CADPS2: variants seen among roughly 807,000 people sequenced by gnomAD.
CADPS2 encodes calcium dependent secretion activator 2.
CADPS2 carries 93 observed loss-of-function variants against 172.5 expected under a neutral mutation model. That is an observed-to-expected ratio of 0.54 (90% CI 0.46 to 0.64). The LOEUF (loss-of-function observed/expected upper bound fraction) is 0.64, where lower values mean the gene tolerates loss of function less well. Ranked by LOEUF, CADPS2 falls within the 30% of genes least tolerant of loss-of-function variation. The probability of loss-of-function intolerance (pLI) is 0.00; values close to 1 mark genes in which losing one functional copy is unlikely to be tolerated. For missense variants in CADPS2, 1,420 were observed against 1,565.9 expected, an observed-to-expected ratio of 0.91 and a Z score of 1.57; for synonymous variants, 546 against 555.2, an observed-to-expected ratio of 0.98 and a Z score of 0.23.
intron 1 of CADPS2, among the ~76,000 whole-genome samples, chr7:122,832,211 T>G (rs1283695557): frequency 6.6e-6 from 1 of 151,828 alleles, no homozygotes. Context: ...TTACTTTCTT[T>G]AAAGTATTTT....
At chr7:122,543,221 A>T (rs1267516075) in intron 8 of CADPS2, among the ~76,000 whole-genome samples, 1 of 152,134 alleles carries the variant, frequency 6.6e-6, no homozygotes, top group Admixed American at 6.5e-5. Flanking sequence ...CTAACAGTAC[A>T]CTACACTTTT....
intron 14 of CADPS2, among the ~76,000 whole-genome samples, chr7:122,463,885 G>C (rs1046364993): frequency 6.6e-6 from 1 of 152,190 alleles, no homozygotes; most frequent in African/African-American, 2.4e-5. Flanking sequence ...AGATAAGGAA[G>C]AAAAGCATGC....
rs995482109 is a variant in CADPS2 at position 122,829,510 on chromosome 7, C to G, written c.339+56489G>C. On this transcript the variant is annotated intron_variant, in intron 1 of 29. Transcript: ENST00000449022. ...TTGTGTGCAAAAGCCACACTCAAAT[C>G]AACTTTTATTTATCCTATGGAAAAA... Among the ~76,000 whole-genome samples, 4 of 152,158 alleles carry G rather than the reference C, an allele frequency of 2.6e-5. No individual in the cohort carries two copies. The East Asian group carries it at 7.7e-4, about 29-fold the overall frequency.
intron 17 of CADPS2, among the ~76,000 whole-genome samples, chr7:122,424,903 CTGT>C (rs2048958982): frequency 6.6e-6 from 1 of 152,156 alleles, no homozygotes; most frequent in Non-Finnish European, 1.5e-5. Context: ...CTGGATATAA[CTGT>C]GTTATAGGAT....
At chr7:122,623,141 C>A (rs1021421102) in intron 4 of CADPS2, among the ~76,000 whole-genome samples, 1 of 151,400 alleles carries the variant, frequency 6.6e-6, no homozygotes, top group Admixed American at 6.6e-5. Context: ...TTTAAAATTT[C>A]TCTACAGTTT....
At chr7:122,826,541 A>T (rs543269001) in intron 1 of CADPS2, among the ~76,000 whole-genome samples, 1 of 152,292 alleles carries the variant, frequency 6.6e-6, no homozygotes, top group East Asian at 1.9e-4. Flanking sequence ...ATAAACAATC[A>T]TAAATATGCT....
At chr7:122,400,273 C>A (rs1275202447) in intron 20 of CADPS2, among the ~76,000 whole-genome samples, 1 of 151,194 alleles carries the variant, frequency 6.6e-6, no homozygotes, top group African/African-American at 2.4e-5. Flanking sequence ...CCATCTCTAC[C>A]AAAAATACAA....
intron 2 of CADPS2, among the ~76,000 whole-genome samples, chr7:122,717,368 A>G (rs1458746898): frequency 6.6e-6 from 1 of 152,184 alleles, no homozygotes; most frequent in Non-Finnish European, 1.5e-5. Context: ...CAGATTACAA[A>G]TAATTATTCC....
intron 3 of CADPS2, among the ~76,000 whole-genome samples, chr7:122,653,056 A>G (rs2079346708): frequency 6.6e-6 from 1 of 152,178 alleles, no homozygotes; most frequent in Non-Finnish European, 1.5e-5. Context: ...GGATATTACC[A>G]AACGATGGCC....
chr7:122,765,345 A>G (rs1434943790), intron 1 of CADPS2, among the ~76,000 whole-genome samples: 1 of 152,162 alleles, frequency 6.6e-6, no homozygotes, highest in Non-Finnish European at 1.5e-5. Flanking sequence ...TAAAAATGAT[A>G]AATTAATCAA....
intron 5 of CADPS2, among the ~76,000 whole-genome samples, chr7:122,615,996 G>A (rs1324508734): frequency 6.6e-6 from 1 of 151,962 alleles, no homozygotes; most frequent in Non-Finnish European, 1.5e-5. Flanking sequence ...TGTAACTCCT[G>A]GGAGAAAGGA....
intron 1 of CADPS2, among the ~76,000 whole-genome samples, chr7:122,766,093 G>A (rs751611759): frequency 6.6e-6 from 1 of 152,090 alleles, no homozygotes; most frequent in Non-Finnish European, 1.5e-5. Context: ...GGAAACGGAA[G>A]GGGGAGCAGG....
intron 7 of CADPS2, among the ~76,000 whole-genome samples, chr7:122,562,468 T>C (rs539168015): frequency 2.7e-4 from 41 of 152,286 alleles, no homozygotes; most frequent in African/African-American, 9.1e-4. Context: ...GATTATCCTC[T>C]AGAGCATCTA....
chr7:122,431,113 T>G (rs1437301088), intron 17 of CADPS2, among the ~76,000 whole-genome samples: 2 of 152,238 alleles, frequency 1.3e-5, no homozygotes, highest in Middle Eastern at 3.2e-3. Flanking sequence ...TTAGTGTTAG[T>G]TTTTGCCCTA....
chr7:122,374,071 T>G (rs2042067970), intron 25 of CADPS2, among the ~76,000 whole-genome samples: 1 of 152,154 alleles, frequency 6.6e-6, no homozygotes, highest in Non-Finnish European at 1.5e-5. Flanking sequence ...ATGAGATTGA[T>G]CCCTAGGATC....
In CADPS2 at chr7:122,606,684, A is replaced by G. The variant is rs138525176; in HGVS notation, c.1223+8497T>C. Among the ~76,000 whole-genome samples, 5 of 152,122 alleles carry G rather than the reference A, an allele frequency of 3.3e-5. No individual in the cohort carries two copies. In the East Asian group the frequency reaches 9.7e-4, roughly 30 times the overall value. ...TTTTTAATACTCTAAATAGTACAAA[A>G]AGTAGTATGATTAGAGTACTGAGTG... On this transcript the variant is annotated intron_variant, in intron 6 of 29. Transcript: ENST00000449022.
chr7:122,339,243 G>C (rs1179572269), intron 28 of CADPS2, among the ~76,000 whole-genome samples: 1 of 152,136 alleles, frequency 6.6e-6, no homozygotes, highest in Non-Finnish European at 1.5e-5. Context: ...ATACAAAGAA[G>C]TGTATTGTGA....
chr7:122,323,645 T>A (rs1330868987), intron 29 of CADPS2, among the ~76,000 whole-genome samples: 2 of 151,672 alleles, frequency 1.3e-5, no homozygotes, highest in East Asian at 3.9e-4. Flanking sequence ...AAGAAACAAA[T>A]CATGGGCTAA....
intron 6 of CADPS2, among the ~76,000 whole-genome samples, chr7:122,613,777 C>T (rs987073708): frequency 3.3e-5 from 5 of 151,600 alleles, no homozygotes; most frequent in African/African-American, 1.2e-4. Context: ...CAAATATATA[C>T]TGTGACTAGG....
Sources: allele counts gnomAD v4.1 joint callset (sites outside exome capture counted in the v4.1 genomes callset), GRCh38; gene constraint gnomAD v4.1.1; transcripts MANE v1.5; gene names NCBI Gene and HGNC (gene_info 2026-07-23, HGNC 2026-07-21).